Variants in NEK10 observed in about 807,000 individuals in gnomAD.
NEK10 encodes NIMA related kinase 10.
Under a neutral mutation model 159.8 loss-of-function variants are expected in NEK10, and 122 were observed. The observed-to-expected ratio is 0.76, with a 90% CI of 0.66 to 0.89. NEK10 has a LOEUF of 0.89. NEK10 is among the 40% of genes least tolerant of loss of function. The pLI, the probability that NEK10 is intolerant of heterozygous loss-of-function variation, is 0.00. For missense variants in NEK10, 1,342 were observed against 1,323.1 expected (o/e 1.01, Z -0.22); for synonymous variants, 466 against 457.1 (o/e 1.02, Z -0.25).
chr3:27,210,368 A>G (rs908820282), intron 23 of NEK10, among the ~76,000 whole-genome samples: 2 of 152,144 alleles, frequency 1.3e-5, no homozygotes, highest in Non-Finnish European at 2.9e-5. Context: ...TCCTTAATCC[A>G]TGAATGGATC....
intron 20 of NEK10, among the ~76,000 whole-genome samples, 165 bp downstream of exon 20, chr3:27,287,533 T>C (rs1298547451): frequency 2.6e-5 from 4 of 152,260 alleles, no homozygotes; most frequent in Non-Finnish European, 5.9e-5. Context: ...ACTAGGTCAC[T>C]GTTTCACTAG....
intron 29 of NEK10, among the ~76,000 whole-genome samples, chr3:27,167,184 C>A (rs1392000601): frequency 6.6e-6 from 1 of 151,872 alleles, no homozygotes; most frequent in South Asian, 2.1e-4. Flanking sequence ...AAAAAATGTG[C>A]CTTAAGCTGT....
chr3:27,368,804 T>C (rs992571327), intron 1 of NEK10, among the ~76,000 whole-genome samples: 6 of 151,954 alleles, frequency 3.9e-5, no homozygotes, highest in African/African-American at 1.5e-4. Context: ...CTCACCGAAG[T>C]AGGGCAGAAA....
intron 12 of NEK10, among the ~76,000 whole-genome samples, chr3:27,302,286 T>C (rs1206216625): frequency 1.3e-5 from 2 of 152,198 alleles, no homozygotes; most frequent in Non-Finnish European, 2.9e-5. Flanking sequence ...AAAACCTGTC[T>C]TCTTCTATTG....
intron 31 of NEK10, among the ~76,000 whole-genome samples, chr3:27,136,047 GACAA>G (rs905087423): frequency 3.3e-5 from 5 of 149,346 alleles, no homozygotes; most frequent in East Asian, 2.0e-4. Context: ...TGGTTGTGAA[GACAA>G]ACAATTCAAA....
chr3:27,238,897 G>A (rs1309774589), intron 23 of NEK10, among the ~76,000 whole-genome samples: 1 of 151,764 alleles, frequency 6.6e-6, no homozygotes, highest in East Asian at 1.9e-4. Context: ...AATTTTCTGG[G>A]GTTTAAATAC....
intron 1 of NEK10, among the ~76,000 whole-genome samples, chr3:27,355,918 T>C (rs2048296236): frequency 6.6e-6 from 1 of 152,198 alleles, no homozygotes; most frequent in African/African-American, 2.4e-5. Context: ...TGAATGTCTA[T>C]CCTCTCCAAA....
At chr3:27,190,148 C>T (rs1367076740) in intron 26 of NEK10, among the ~76,000 whole-genome samples, 1 of 152,136 alleles carries the variant, frequency 6.6e-6, no homozygotes, top group African/African-American at 2.4e-5. Context: ...TCCTAGTACT[C>T]TCTGAGGTAG....
At chr3:27,317,973 T>G (rs536721489) in intron 6 of NEK10, among the ~76,000 whole-genome samples, 1 of 152,158 alleles carries the variant, frequency 6.6e-6, no homozygotes, top group South Asian at 2.1e-4. Context: ...CGGCTAATTT[T>G]TTCTATTTTT....
chr3:27,343,426 A>G (rs1208642824), intron 5 of NEK10, among the ~76,000 whole-genome samples: 1 of 152,218 alleles, frequency 6.6e-6, no homozygotes, highest in African/African-American at 2.4e-5. Context: ...CATAGAAATA[A>G]TGTTTTTCCA....
chr3:27,143,535 AT>A (rs961253677), intron 30 of NEK10: 8 of 721,362 alleles, frequency 1.1e-5, no homozygotes, highest in African/African-American at 6.9e-5. Context: ...CAACTATGCA[AT>A]TTTTTTAACT....
intron 1 of NEK10, among the ~76,000 whole-genome samples, chr3:27,368,217 G>A (rs535801771): frequency 6.6e-6 from 1 of 152,058 alleles, no homozygotes; most frequent in South Asian, 2.1e-4. Context: ...GGTTGAACCC[G>A]GAAGGCGGAG....
chr3:27,363,044 G>A (rs914856895), intron 1 of NEK10, among the ~76,000 whole-genome samples: 12 of 152,124 alleles, frequency 7.9e-5, no homozygotes, highest in African/African-American at 2.9e-4. Context: ...GAGGTGCTGC[G>A]TGCAATTGGC....
intron 22 of NEK10, among the ~76,000 whole-genome samples, chr3:27,271,267 C>T (rs568420959): frequency 1.1e-4 from 16 of 151,974 alleles, no homozygotes; most frequent in Non-Finnish European, 1.8e-4. Flanking sequence ...AAGACTAAAT[C>T]GTATAAGGTG....
In NEK10 at chr3:27,360,252, TA is replaced by T. The variant is rs1254109011; in HGVS notation, c.-37-7334del. The stretch of plus-strand genomic sequence containing the variant: ...AGAGAACATGCAGTATCAGGACGTC[TA>T]ACACCCTCCAGGCCCAAGAACAGAA... On this transcript the variant is annotated intron_variant, in intron 1 of 35. Coordinates refer to ENST00000691995, the MANE Select transcript of NEK10 (RefSeq NM_001394966.1). Among the ~76,000 whole-genome samples the T allele has an allele frequency of 2.0e-5, 3 of 152,242 alleles. No homozygotes were observed. In the East Asian group the frequency reaches 5.8e-4, roughly 29 times the overall value.
chr3:27,274,635 G>A (rs567084525), intron 22 of NEK10, among the ~76,000 whole-genome samples: 34 of 151,882 alleles, frequency 2.2e-4, no homozygotes, highest in East Asian at 3.9e-4. Context: ...TCACATATGC[G>A]CACACATGCA....
rs143208385 is a variant in NEK10 at position 27,285,213 on chromosome 3, C to T, written c.1790-252G>A. ...ACCCCTTAGCATAAGTTTACACTGG[C>T]AAATGTATCATTTTCTATGTATGCC... On this transcript the variant is annotated intron_variant, in intron 20 of 35. Transcript: ENST00000691995. Among the ~76,000 whole-genome samples the T allele has an allele frequency of 6.2e-4, 94 of 152,218 alleles. 1 individual carries two copies. The highest frequency in any genetic ancestry group is 1.9e-3 in the African/African-American group (78 of 41,524).
intron 23 of NEK10, among the ~76,000 whole-genome samples, chr3:27,243,830 GGTGT>G (rs56720203): frequency 0.054 from 7,988 of 148,308 alleles, 417 homozygotes; most frequent in African/African-American, 0.14. Context: ...TGACACCATG[GGTGT>G]GTGTGTGTGT....
intron 1 of NEK10, among the ~76,000 whole-genome samples, chr3:27,364,348 T>TTGTGTGTGTGTGTG (rs4016621): frequency 2.5e-5 from 3 of 120,568 alleles, no homozygotes; most frequent in Non-Finnish European, 5.2e-5. Context: ...GCCTGGCTAA[T>TTGTGTGTGTGTGTG]TGTGTGTGTG....
Sources: allele counts gnomAD v4.1 joint callset (sites outside exome capture counted in the v4.1 genomes callset), GRCh38; gene constraint gnomAD v4.1.1; transcripts MANE v1.5; gene names NCBI Gene and HGNC (gene_info 2026-07-23, HGNC 2026-07-21).